The following SCNN1B variants were observed in gnomAD, a reference collection of about 807,000 sequenced individuals.
The protein encoded by SCNN1B is epithelial sodium channel subunit beta.
A neutral mutation model predicts 65.3 loss-of-function variants in SCNN1B; 46 were observed. The ratio of observed to expected loss-of-function variants is 0.70; its 90% CI spans 0.56 to 0.90. The LOEUF is 0.90. Ranked by LOEUF, SCNN1B falls within the 40% of genes least tolerant of loss-of-function variation. The pLI is 0.00. For synonymous variants in SCNN1B, 349 were observed against 330.6 expected (o/e 1.06, Z -0.60); for missense variants, 751 against 830.5 (o/e 0.90, Z 1.18).
upstream of SCNN1B, among the ~76,000 whole-genome samples, chr16:23,300,097 A>C (rs1961052259): frequency 6.6e-6 from 1 of 152,194 alleles, no homozygotes; most frequent in Non-Finnish European, 1.5e-5. Context: ...AGGAACAGAA[A>C]ACCAAACACT....
chr16:23,339,905 A>G (rs970533591), intron 1 of SCNN1B, among the ~76,000 whole-genome samples: 10 of 152,034 alleles, frequency 6.6e-5, no homozygotes, highest in Non-Finnish European at 8.8e-5. Flanking sequence ...TTCCAAAGTG[A>G]CTGTACCATT....
chr16:23,306,883 C>G (rs73542337), intron 1 of SCNN1B, among the ~76,000 whole-genome samples: 9,342 of 152,098 alleles, frequency 0.061, 979 homozygotes, highest in African/African-American at 0.21. Flanking sequence ...GCTGTGATGG[C>G]GCGTGAGGCA....
At chr16:23,349,418 T>C (rs1596861074) in intron 2 of SCNN1B, among the ~76,000 whole-genome samples, 1 of 152,264 alleles carries the variant, frequency 6.6e-6, no homozygotes, top group East Asian at 1.9e-4. Context: ...GCCCAGGAGC[T>C]CGAGGCTGCA....
At chr16:23,304,494 C>A (rs1567289758) in intron 1 of SCNN1B, among the ~76,000 whole-genome samples, 1 of 152,238 alleles carries the variant, frequency 6.6e-6, no homozygotes, top group Non-Finnish European at 1.5e-5. Context: ...CCTGGCCATG[C>A]CCCAATGGGC....
intron 1 of SCNN1B, among the ~76,000 whole-genome samples, chr16:23,325,243 G>A (rs1355247811): frequency 6.6e-6 from 1 of 152,026 alleles, no homozygotes; most frequent in Non-Finnish European, 1.5e-5. Flanking sequence ...CTCCCTTTTG[G>A]TTGCTTTTAT....
At chr16:23,377,136 T>A in intron 8 of SCNN1B, 29 bp from the exon 9 acceptor site, 1 of 1,608,904 alleles carries the variant, frequency 6.2e-7, no homozygotes, top group Admixed American at 1.7e-5. Flanking sequence ...CCCTTAAACC[T>A]CTTGGCCGCC....
chr16:23,305,534 T>TTA (rs56338840), intron 1 of SCNN1B, among the ~76,000 whole-genome samples: 230 of 7,292 alleles, frequency 0.032, 1 homozygote, highest in South Asian at 0.063. Context: ...AATATATATA[T>TTA]TATATATATA....
intron 4 of SCNN1B, among the ~76,000 whole-genome samples, chr16:23,360,015 A>C (rs922397077): frequency 1.4e-4 from 21 of 151,930 alleles, no homozygotes; most frequent in Middle Eastern, 6.8e-3. Context: ...CCAGCCTGGC[A>C]AACATAGTGA....
intron 11 of SCNN1B, 126 bp from the exon 12 acceptor site, chr16:23,379,968 A>C: frequency 1.3e-6 from 1 of 786,654 alleles, no homozygotes; most frequent in Non-Finnish European, 2.3e-6. Context: ...GTGTGGGTAC[A>C]TGTGTGTGCA....
chr16:23,313,775 C>G (rs1961393835), intron 1 of SCNN1B, among the ~76,000 whole-genome samples: 1 of 152,156 alleles, frequency 6.6e-6, no homozygotes. Flanking sequence ...CCACGCCCAG[C>G]TAATTTTTGT....
chr16:23,310,005 T>G (rs1242198230), intron 1 of SCNN1B, among the ~76,000 whole-genome samples: 1 of 152,054 alleles, frequency 6.6e-6, no homozygotes, highest in Non-Finnish European at 1.5e-5. Context: ...CAAGCTCAGG[T>G]TGGGGACAGT....
chr16:23,339,304 C>G (rs943681346), intron 1 of SCNN1B, among the ~76,000 whole-genome samples: 5 of 151,404 alleles, frequency 3.3e-5, no homozygotes, highest in African/African-American at 9.7e-5. Flanking sequence ...TAGGTGGGGG[C>G]TATTATGAAT....
intron 1 of SCNN1B, among the ~76,000 whole-genome samples, chr16:23,305,459 C>T (rs1415146161): frequency 1.2e-4 from 17 of 139,996 alleles, no homozygotes; most frequent in African/African-American, 2.9e-4. Context: ...TCGAGACCAG[C>T]GAGTTGCTTG....
upstream of SCNN1B, among the ~76,000 whole-genome samples, chr16:23,301,531 T>C (rs1480521791): frequency 6.6e-6 from 1 of 151,878 alleles, no homozygotes; most frequent in East Asian, 1.9e-4. Flanking sequence ...TATGGAGAAA[T>C]ATACAGGAAA....
intron 2 of SCNN1B, among the ~76,000 whole-genome samples, chr16:23,291,046 C>T (rs1002329182): frequency 1.3e-5 from 2 of 149,340 alleles, no homozygotes; most frequent in Non-Finnish European, 3.0e-5. Flanking sequence ...GGATCAAATT[C>T]TTCTTTACCA....
chr16:23,305,573 T>A (rs7200776), intron 1 of SCNN1B, among the ~76,000 whole-genome samples: 2,845 of 42,462 alleles, frequency 0.067, 322 homozygotes, highest in African/African-American at 0.15. Context: ...TATATATATA[T>A]ATATTATATA....
intron 1 of SCNN1B, among the ~76,000 whole-genome samples, chr16:23,343,623 GAAAGAAAGAAAGAAAGAAAGAAAGAAAA>G (rs1596855005): frequency 5.4e-5 from 6 of 110,880 alleles, no homozygotes; most frequent in East Asian, 2.6e-4. Flanking sequence ...AAGAAAGAAA[GAAAGAAAGAAAGAAAGAAAGAAAGAAAA>G]AAAGAAAGGA....
chr16:23,296,817 T>C (rs746808715), intron 2 of SCNN1B, among the ~76,000 whole-genome samples: 6 of 151,848 alleles, frequency 4.0e-5, no homozygotes, highest in Non-Finnish European at 8.8e-5. Flanking sequence ...CTGGCCAATA[T>C]AGTGAAACCC....
chr16:23,306,610 C>A (rs966155289), intron 1 of SCNN1B, among the ~76,000 whole-genome samples: 2 of 152,112 alleles, frequency 1.3e-5, no homozygotes, highest in African/African-American at 4.8e-5. Context: ...CTTTTCTGGC[C>A]AAGGACAAGA....
Sources: gnomAD v4.1 joint callset for allele counts (sites outside exome capture counted in the v4.1 genomes callset) on GRCh38, gnomAD v4.1.1 for gene constraint, MANE v1.5 for transcripts, NCBI Gene and HGNC (gene_info 2026-07-23, HGNC 2026-07-21) for gene names.